The following CYP2B6 variants were observed in gnomAD, a reference collection of about 807,000 sequenced individuals.
The protein encoded by CYP2B6 is cytochrome P450 family 2 subfamily B member 6.
CYP2B6 carries 35 observed loss-of-function variants against 43.4 expected under a neutral mutation model. That is an observed-to-expected ratio of 0.81 (90% CI 0.62 to 1.07). The LOEUF (loss-of-function observed/expected upper bound fraction) is 1.07, where lower values mean the gene tolerates loss of function less well. Ranked by LOEUF, CYP2B6 falls within the 50% of genes least tolerant of loss-of-function variation. The probability of loss-of-function intolerance (pLI) is 0.00; values close to 1 mark genes in which losing one functional copy is unlikely to be tolerated. For synonymous variants in CYP2B6, 239 were observed against 239.2 expected (o/e 1.00, Z 0.01); for missense variants, 624 against 632.8 (o/e 0.99, Z 0.15).
intron 8 of CYP2B6, among the ~76,000 whole-genome samples, chr19:41,016,295 G>C (rs1474653040): frequency 6.7e-6 from 1 of 150,012 alleles, no homozygotes; most frequent in African/African-American, 2.4e-5. Context: ...TACTTGGTAG[G>C]CTGAGGCACA....
At chr19:40,999,339 A>C (rs1473449124) in intron 1 of CYP2B6, among the ~76,000 whole-genome samples, 1 of 151,774 alleles carries the variant, frequency 6.6e-6, no homozygotes, top group Non-Finnish European at 1.5e-5. Context: ...TCAGATGAGT[A>C]GGTTGCGAAA....
intron 8 of CYP2B6, among the ~76,000 whole-genome samples, chr19:41,015,643 C>A (rs1460080071): frequency 3.3e-5 from 5 of 152,106 alleles, no homozygotes; most frequent in Non-Finnish European, 5.9e-5. Flanking sequence ...AAGCCATAGA[C>A]CCTCCCTGTC....
At chr19:40,999,204 T>C (rs1447368671) in intron 1 of CYP2B6, among the ~76,000 whole-genome samples, 1 of 152,194 alleles carries the variant, frequency 6.6e-6, no homozygotes, top group Non-Finnish European at 1.5e-5. Flanking sequence ...CATGTGTTTT[T>C]TGGCTGCATA....
At position 41,003,811 on chromosome 19, in the gene CYP2B6, G is replaced by T. The variant is rs1288196449; in HGVS notation, c.172-190G>T. ...AAACGGAAACTAAGAACCCATGACTGTATTCTCTCCCTTGGACAGCGTTAA... is the reference window on the plus strand; with the variant it reads ...AAACGGAAACTAAGAACCCATGACTTTATTCTCTCCCTTGGACAGCGTTAA... On this transcript the variant is annotated intron_variant, in intron 1 of 8. Transcript: ENST00000324071. 5.3e-6 allele frequency: 4 copies of T among 752,650 alleles called. No individual in the cohort carries two copies. In the African/African-American group the frequency reaches 6.9e-5, roughly 13 times the overall value. The allele number at this position is 752,650 out of a possible 1,614,324, so 46.6% of individuals were successfully genotyped here. A position where few individuals can be genotyped will look rare whatever the true frequency, so the allele number is the denominator to read the frequency against.
chr19:41,016,704 C>T lies in CYP2B6; in HGVS notation c.1353C>T (p.Thr451=). ...GTGCGGAATTGTTCCTCTTCTTCAC[C>T]ACCATCCTCCAGAACTTCTCCATGG... The part of the protein sequence containing the change: ...IARAELFLFF[T]TILQNFSMAS... The change falls in exon 9 of 9, where the codon ACC becomes ACT. Residue 451 remains threonine (T), a synonymous_variant. Transcript: ENST00000324071. 6 of 1,614,212 alleles carry T rather than the reference C, an allele frequency of 3.7e-6. No homozygotes were observed. Among genetic ancestry groups the T allele is most frequent in the Non-Finnish European group, 5.1e-6 (6 of 1,180,038 alleles).
chr19:41,009,885 A>G, intron 5 of CYP2B6, 109 bp from the exon 6 acceptor site: 1 of 1,300,186 alleles, frequency 7.7e-7, no homozygotes, highest in South Asian at 1.2e-5. Context: ...TGGGCCAGAT[A>G]GTGTCAAAGA....
rs563177438 is a variant in CYP2B6, at chr19:41,014,975, T to A, written c.1295-1671T>A. ...AAGAATGAACAAGACAAATAAGGTA[T>A]CTTTAGAGGGAGATGAAAAGAAAGA... On this transcript the variant is annotated intron_variant, in intron 8 of 8. Transcript: ENST00000324071. Among the ~76,000 whole-genome samples the A allele has an allele frequency of 1.3e-4, 20 of 151,756 alleles. No individual in the cohort carries two copies. The South Asian group carries it at 1.9e-3, about 14-fold the overall frequency.
chr19:40,997,796 T>A (rs1019961507), intron 1 of CYP2B6, among the ~76,000 whole-genome samples: 1 of 152,100 alleles, frequency 6.6e-6, no homozygotes, highest in Middle Eastern at 3.4e-3. Flanking sequence ...TTTGGGTGGC[T>A]CACGACACCA....
At chr19:40,995,430 A>G (rs1968986157) in intron 1 of CYP2B6, among the ~76,000 whole-genome samples, 1 of 152,154 alleles carries the variant, frequency 6.6e-6, no homozygotes, top group Non-Finnish European at 1.5e-5. Context: ...TCTTAGAAGA[A>G]CTTGGTACGG....
chr19:41,011,153 C>G (rs1969277636), intron 6 of CYP2B6, among the ~76,000 whole-genome samples: 1 of 152,172 alleles, frequency 6.6e-6, no homozygotes, highest in Admixed American at 6.5e-5. Context: ...ATCCATCCTT[C>G]TACGAACTAG....
At position 41,016,950 on chromosome 19, in the gene CYP2B6, TC is replaced by T. The variant is rs1326513620; in HGVS notation, c.*127del. On this transcript the variant is annotated 3_prime_UTR_variant, in exon 9 of 9. Coordinates refer to ENST00000324071, the MANE Select transcript of CYP2B6 (RefSeq NM_000767.5). Reference sequence around the variant, plus strand: ...GAGACCTGCTACAAGCCAGCTTCCTTCCCCTCCATGGCACCAGTTGTCTGAG... The same window carrying T: ...GAGACCTGCTACAAGCCAGCTTCCTTCCCTCCATGGCACCAGTTGTCTGAG... 1.0e-6 allele frequency: 1 copy of T among 1,004,154 alleles called. No individual in the cohort carries two copies. The highest frequency in any genetic ancestry group is 1.5e-6 in the Non-Finnish European group (1 of 683,198). 62.2% of individuals were successfully genotyped at this position (1,004,154 alleles called of 1,614,324 possible). A position where few individuals can be genotyped will look rare whatever the true frequency, so the allele number is the denominator to read the frequency against.
chr19:41,001,140 G>A (rs1006045876), intron 1 of CYP2B6, among the ~76,000 whole-genome samples: 3 of 152,090 alleles, frequency 2.0e-5, no homozygotes, highest in East Asian at 1.9e-4. Context: ...TGGGAAAAGG[G>A]GAAGCTGAGA....
chr19:41,014,102 T>C (rs1178179753), intron 8 of CYP2B6, among the ~76,000 whole-genome samples: 1 of 152,194 alleles, frequency 6.6e-6, no homozygotes, highest in Non-Finnish European at 1.5e-5. Context: ...GAATTTAACA[T>C]GCACCATCCA....
At chr19:40,998,713 T>G (rs915698624) in intron 1 of CYP2B6, among the ~76,000 whole-genome samples, 29 of 139,998 alleles carry the variant, frequency 2.1e-4, no homozygotes, top group African/African-American at 7.8e-4. Flanking sequence ...CTGAGAATGA[T>G]GATTTCCAAT....
chr19:41,012,333 C>A lies in CYP2B6; in HGVS notation c.1000C>A (p.Pro334Thr), dbSNP rs1336778249. 6.2e-7 allele frequency: 1 copy of A among 1,613,950 alleles called. No individual in the cohort carries two copies. The highest frequency in any genetic ancestry group is 2.2e-5 in the East Asian group (1 of 44,876). ...CAGGGAGATTGAACAGGTGATTGGC[C>A]CACATCGCCCTCCAGAGCTTCATGA... ...VYREIEQVIGPHRPPELHDRA... is the reference protein window; with the variant it reads ...VYREIEQVIGTHRPPELHDRA... Residue 334 changes from proline (P) to threonine (T), a missense_variant, in exon 7 of 9, where the codon CCA (proline) becomes ACA (threonine). Coordinates refer to ENST00000324071, the MANE Select transcript of CYP2B6 (RefSeq NM_000767.5).
chr19:40,992,191 G>T (rs937138779), intron 1 of CYP2B6, among the ~76,000 whole-genome samples: 2 of 122,048 alleles, frequency 1.6e-5, no homozygotes, highest in African/African-American at 4.2e-5. Context: ...GACAGAGTGA[G>T]ACTCCTTCTC....
intron 1 of CYP2B6, among the ~76,000 whole-genome samples, chr19:40,996,278 T>C (rs1599841748): frequency 6.6e-6 from 1 of 152,210 alleles, no homozygotes; most frequent in Admixed American, 6.5e-5. Context: ...TAGGTTATAG[T>C]TGATTTCATT....
intron 1 of CYP2B6, among the ~76,000 whole-genome samples, chr19:41,002,681 TG>T (rs1969114133): frequency 6.6e-6 from 1 of 152,094 alleles, no homozygotes; most frequent in African/African-American, 2.4e-5. Context: ...CCCGAGTAGC[TG>T]GGACTACAGG....
chr19:41,013,194 C>T (rs1969311428), intron 8 of CYP2B6, among the ~76,000 whole-genome samples: 1 of 152,078 alleles, frequency 6.6e-6, no homozygotes, highest in African/African-American at 2.4e-5. Context: ...TAAAGTCCAG[C>T]AGGGAAGATG....
Sources: gnomAD v4.1 joint callset for allele counts (sites outside exome capture counted in the v4.1 genomes callset) on GRCh38, gnomAD v4.1.1 for gene constraint, MANE v1.5 for transcripts, NCBI Gene and HGNC (gene_info 2026-07-23, HGNC 2026-07-21) for gene names.